Variants in PRIM2 observed in about 807,000 individuals in gnomAD.
PRIM2 encodes DNA primase subunit 2.
Under a neutral mutation model 67.3 loss-of-function variants are expected in PRIM2, and 39 were observed. The observed-to-expected ratio is 0.58, with a 90% CI of 0.45 to 0.76. PRIM2 has a LOEUF of 0.76. PRIM2 is among the 30% of genes least tolerant of loss of function. The pLI is 0.00. For synonymous variants in PRIM2, 143 were observed against 198.7 expected, an observed-to-expected ratio of 0.72 and a Z score of 2.36; for missense variants, 398 against 598.7, an observed-to-expected ratio of 0.66 and a Z score of 3.50.
intron 10 of PRIM2, among the ~76,000 whole-genome samples, chr6:57,596,875 T>C (rs1304894339): frequency 6.6e-6 from 1 of 152,172 alleles, no homozygotes; most frequent in Non-Finnish European, 1.5e-5. Context: ...AGAAAAGCTA[T>C]CCAGAAGAAC....
At chr6:57,222,252 T>G in the PRIM2 span, 3 of 152,434 alleles carry the variant, frequency 2.0e-5, no homozygotes, top group Non-Finnish European at 4.4e-5. Context: ...CCGGGGGTGG[T>G]GGGGCGCGGG....
Position 57,638,787 on chromosome 6 carries a change from C to T in PRIM2, c.1299+6586C>T, listed in dbSNP as rs1437168249. Among the ~76,000 whole-genome samples the T allele has an allele frequency of 6.6e-5, 10 of 152,114 alleles. No individual in the cohort carries two copies. The East Asian group carries it at 1.2e-3, about 18-fold the overall frequency. On this transcript the variant is annotated intron_variant, in intron 13 of 13. Coordinates refer to ENST00000615550, the MANE Select transcript of PRIM2 (RefSeq NM_000947.5). Reference sequence around the variant, plus strand: ...GAGTTCTTAGAGATGTACAAAGAGACGTAGACACCCGCACAATAATAGTGG... The same window carrying T: ...GAGTTCTTAGAGATGTACAAAGAGATGTAGACACCCGCACAATAATAGTGG...
intron 7 of PRIM2, among the ~76,000 whole-genome samples, chr6:57,454,235 G>A (rs1411909275): frequency 2.6e-5 from 4 of 152,236 alleles, no homozygotes; most frequent in Admixed American, 6.5e-5. Flanking sequence ...CAGGGATATC[G>A]GTCTAAAATT....
intron 10 of PRIM2, among the ~76,000 whole-genome samples, chr6:57,558,621 G>C (rs1775565503): frequency 6.6e-6 from 1 of 151,708 alleles, no homozygotes; most frequent in Admixed American, 6.6e-5. Context: ...AGAAATTACA[G>C]GTTGGTTTTA....
chr6:57,493,686 T>G (rs1773946124), intron 7 of PRIM2, among the ~76,000 whole-genome samples: 1 of 152,216 alleles, frequency 6.6e-6, no homozygotes, highest in South Asian at 2.1e-4. Context: ...AATCTCTCCC[T>G]CCTCCTAGTT....
At chr6:57,630,617 A>G (rs1777023706) in intron 12 of PRIM2, among the ~76,000 whole-genome samples, 1 of 151,702 alleles carries the variant, frequency 6.6e-6, no homozygotes, top group African/African-American at 2.4e-5. Flanking sequence ...TTTACTTTTT[A>G]TATGGTTGAG....
At chr6:57,309,078 C>T in the PRIM2 span, among the ~76,000 whole-genome samples, 3 of 151,576 alleles carry the variant, frequency 2.0e-5, no homozygotes, top group African/African-American at 7.3e-5. Flanking sequence ...GGCAGAGGTC[C>T]CTGCGGCCTT....
At chr6:57,320,693 C>T in intron 3 of PRIM2, 133 bp downstream of exon 3, 1 of 588,870 alleles carries the variant, frequency 1.7e-6, no homozygotes. Flanking sequence ...GAAGGTTCTT[C>T]AGTGTATTAG....
intron 8 of PRIM2, among the ~76,000 whole-genome samples, chr6:57,520,197 T>C (rs1338614749): frequency 1.3e-5 from 2 of 152,196 alleles, no homozygotes; most frequent in Non-Finnish European, 2.9e-5. Context: ...ACTGTGGCAG[T>C]TATTGGGGAA....
chr6:57,403,866 C>T (rs1268633632), intron 7 of PRIM2, among the ~76,000 whole-genome samples: 1 of 151,458 alleles, frequency 6.6e-6, no homozygotes, highest in Non-Finnish European at 1.5e-5. Context: ...GCTGCTGTAA[C>T]AAATTATCAC....
At chr6:57,223,270 G>T in the PRIM2 span, among the ~76,000 whole-genome samples, 1 of 152,152 alleles carries the variant, frequency 6.6e-6, no homozygotes, top group Non-Finnish European at 1.5e-5. Context: ...TTAGCATAAT[G>T]GTTACCTTGG....
At chr6:57,456,733 A>G (rs1772799182) in intron 7 of PRIM2, among the ~76,000 whole-genome samples, 1 of 151,592 alleles carries the variant, frequency 6.6e-6, no homozygotes, top group African/African-American at 2.4e-5. Flanking sequence ...ATGGGTTCGA[A>G]CTTCCTCCTG....
chr6:57,267,533 C>T, the PRIM2 span, among the ~76,000 whole-genome samples: 1 of 151,818 alleles, frequency 6.6e-6, no homozygotes, highest in Non-Finnish European at 1.5e-5. Flanking sequence ...CGAGCAATAC[C>T]ACATGAAAAA....
At chr6:57,541,232 T>C (rs1359974062) in intron 10 of PRIM2, among the ~76,000 whole-genome samples, 1 of 152,134 alleles carries the variant, frequency 6.6e-6, no homozygotes, top group Non-Finnish European at 1.5e-5. Context: ...ACTGTAAATG[T>C]ATTTTCTTAT....
At chr6:57,532,198 TC>T (rs1774906129) in intron 8 of PRIM2, among the ~76,000 whole-genome samples, 3 of 152,234 alleles carry the variant, frequency 2.0e-5, no homozygotes, top group Non-Finnish European at 4.4e-5. Flanking sequence ...GTCAGGAGGT[TC>T]AGACTGTTAC....
At chr6:57,638,904 G>A (rs1777175429) in intron 13 of PRIM2, among the ~76,000 whole-genome samples, 1 of 152,126 alleles carries the variant, frequency 6.6e-6, no homozygotes, top group South Asian at 2.1e-4. Flanking sequence ...GGACCAAGTG[G>A]ACCTAATAGA....
At chr6:57,246,878 G>A in the PRIM2 span, among the ~76,000 whole-genome samples, 507 of 149,352 alleles carry the variant, frequency 3.4e-3, 1 homozygote, top group African/African-American at 0.012. Context: ...TTTTTGAGAC[G>A]GAGTCTCACT....
chr6:57,530,539 C>G (rs1349272785), intron 8 of PRIM2, among the ~76,000 whole-genome samples: 201 of 152,244 alleles, frequency 1.3e-3, no homozygotes, highest in African/African-American at 4.6e-3. Flanking sequence ...GGAGAACTTT[C>G]CTGAATCTGC....
intron 5 of PRIM2, among the ~76,000 whole-genome samples, chr6:57,337,289 T>A (rs934757108): frequency 1.3e-5 from 2 of 152,070 alleles, no homozygotes; most frequent in Non-Finnish European, 2.9e-5. Context: ...CTGTCAACAT[T>A]AGACAGATCA....
Sources: allele counts gnomAD v4.1 joint callset (sites outside exome capture counted in the v4.1 genomes callset), GRCh38; gene constraint gnomAD v4.1.1; transcripts MANE v1.5; gene names NCBI Gene and HGNC (gene_info 2026-07-23, HGNC 2026-07-21).